FRMPD4: variants seen among roughly 807,000 people sequenced by gnomAD.
FRMPD4 encodes FERM and PDZ domain containing 4.
In FRMPD4, 22 loss-of-function variants were observed where a neutral mutation model predicts 94.1. The ratio of observed to expected loss-of-function variants is 0.23; its 90% CI spans 0.17 to 0.33. The LOEUF is 0.33. Ranked by LOEUF, FRMPD4 falls within the 10% of genes least tolerant of loss-of-function variation. The pLI is 1.00. For missense variants in FRMPD4, 1,111 were observed against 1,339.9 expected, an observed-to-expected ratio of 0.83 and a Z score of 2.67; for synonymous variants, 631 against 548.6, an observed-to-expected ratio of 1.15 and a Z score of -2.10.
At chrX:12,193,743 C>T (rs765753290) in intron 1 of FRMPD4, among the ~76,000 whole-genome samples, 7 of 59,006 alleles carry the variant, frequency 1.2e-4, no homozygotes, top group Non-Finnish European at 1.9e-4. Context: ...GTGAATTATC[C>T]GAAAGAAACA....
intron 2 of FRMPD4, among the ~76,000 whole-genome samples, chrX:12,586,420 G>C (rs2058928844): frequency 8.9e-6 from 1 of 112,746 alleles, no homozygotes; most frequent in Non-Finnish European, 1.9e-5. Flanking sequence ...TTTAATATCT[G>C]ATGTTTGCAT....
intron 1 of FRMPD4, among the ~76,000 whole-genome samples, chrX:12,420,582 G>C (rs2056870552): frequency 2.7e-5 from 3 of 111,820 alleles, no homozygotes; most frequent in Non-Finnish European, 3.8e-5. Flanking sequence ...CACACATGCT[G>C]ATCCTTCATC....
intron 2 of FRMPD4, among the ~76,000 whole-genome samples, chrX:12,538,705 G>A (rs777124949): frequency 2.7e-5 from 3 of 112,053 alleles, no homozygotes; most frequent in South Asian, 7.5e-4. Flanking sequence ...GGTCTGGAGT[G>A]GGCCTCCAGC....
chrX:12,169,109 G>T (rs1025963349), intron 1 of FRMPD4, among the ~76,000 whole-genome samples: 12 of 112,065 alleles, frequency 1.1e-4, no homozygotes, highest in Non-Finnish European at 1.9e-5. Context: ...TAATAAATAG[G>T]CTAGACATAT....
chrX:12,701,890 T>C lies in FRMPD4; in HGVS notation c.950T>C (p.Val317Ala). ...TCTTCGCAGAGTTGTAACGATGTGG[T>C]TCAGGAGCGATTTGGGCCGGAGCTG... Reference protein sequence around the residue: ...YLYVQSCNDVVQERFGPELKY... With the variant: ...YLYVQSCNDVAQERFGPELKY... Residue 317 changes from valine (V) to alanine (A), a missense_variant, in exon 10 of 17, where the codon GTT (valine) becomes GCT (alanine). By Grantham distance (64) the Val-to-Ala change is moderately conservative. This residue lies in a region of FRMPD4 where 37 missense variants were observed against 101.0 expected (regional missense o/e 0.37). Coordinates refer to ENST00000675598, the MANE Select transcript of FRMPD4 (RefSeq NM_001368397.1). 1 of 1,211,756 alleles carries C rather than the reference T, an allele frequency of 8.3e-7. No individual in the cohort carries two copies. Among genetic ancestry groups the C allele is most frequent in the Non-Finnish European group, 1.1e-6 (1 of 895,094 alleles).
chrX:12,398,956 C>T (rs372929305), intron 1 of FRMPD4, among the ~76,000 whole-genome samples: 1 of 110,807 alleles, frequency 9.0e-6, no homozygotes. Flanking sequence ...TTGTATCAGT[C>T]CCTTTTTTTT....
rs143879534 is a variant in FRMPD4, at chrX:11,964,016, C to T, written c.95+85998C>T. Among the ~76,000 whole-genome samples the T allele has an allele frequency of 3.8e-3, 423 of 111,652 alleles. 2 individuals are homozygous for T. Among genetic ancestry groups the T allele is most frequent in the Non-Finnish European group, 4.8e-3 (257 of 53,105 alleles). On this transcript the variant is annotated intron_variant, in intron 3 of 18. Transcript: ENST00000640291. Reference sequence around the variant, plus strand: ...TGGTTAGATGTGCCACAAAAGGTTTCCTAGCACATGTTTCTCAAACTCAGC... The same window carrying T: ...TGGTTAGATGTGCCACAAAAGGTTTTCTAGCACATGTTTCTCAAACTCAGC...
chrX:12,586,864 CG>C (rs998107809), intron 2 of FRMPD4, among the ~76,000 whole-genome samples: 7 of 111,851 alleles, frequency 6.3e-5, no homozygotes, highest in African/African-American at 1.9e-4. Context: ...AGGGAGCTTT[CG>C]TTTCCTTTAA....
intron 2 of FRMPD4, among the ~76,000 whole-genome samples, chrX:11,873,362 G>C (rs2053765409): frequency 9.0e-6 from 1 of 111,243 alleles, no homozygotes; most frequent in Non-Finnish European, 1.9e-5. Context: ...CAATAAGTGA[G>C]TTTAGCAAAA....
chrX:12,367,130 T>G (rs2056094938), intron 1 of FRMPD4, among the ~76,000 whole-genome samples: 1 of 111,875 alleles, frequency 8.9e-6, no homozygotes, highest in Non-Finnish European at 1.9e-5. Context: ...ATATACAACC[T>G]TGCTTTTCCA....
chrX:12,617,661 A>G (rs1452163913), intron 4 of FRMPD4, among the ~76,000 whole-genome samples: 1 of 112,162 alleles, frequency 8.9e-6, no homozygotes, highest in Non-Finnish European at 1.9e-5. Flanking sequence ...ATAATAAAAA[A>G]CATCCCGTTT....
At chrX:12,361,188 T>A (rs1327326961) in intron 1 of FRMPD4, among the ~76,000 whole-genome samples, 1 of 112,402 alleles carries the variant, frequency 8.9e-6, no homozygotes, top group African/African-American at 3.2e-5. Context: ...TCTTGAACTA[T>A]GTCAGACTGT....
chrX:12,179,313 G>A (rs2056330874), intron 1 of FRMPD4, among the ~76,000 whole-genome samples: 1 of 110,959 alleles, frequency 9.0e-6, no homozygotes, highest in Non-Finnish European at 1.9e-5. Flanking sequence ...ACCAGCCCAG[G>A]TCTCGGGGTG....
intron 1 of FRMPD4, among the ~76,000 whole-genome samples, chrX:12,169,513 C>T (rs1422701900): frequency 3.6e-5 from 4 of 111,450 alleles, no homozygotes; most frequent in Non-Finnish European, 7.5e-5. Context: ...TGGCCCACTG[C>T]CTGTTTTTAT....
chrX:11,846,344 A>G (rs1487050373), intron 1 of FRMPD4, among the ~76,000 whole-genome samples: 1 of 109,358 alleles, frequency 9.1e-6, no homozygotes, highest in African/African-American at 3.4e-5. Flanking sequence ...GACCTCTTCA[A>G]GGAGAACTAC....
At chrX:12,343,987 A>T (rs2055660791) in intron 1 of FRMPD4, among the ~76,000 whole-genome samples, 1 of 112,265 alleles carries the variant, frequency 8.9e-6, no homozygotes, top group South Asian at 3.7e-4. Flanking sequence ...GCATTCCCTT[A>T]ATTTAATTTG....
chrX:12,085,012 C>T (rs2055095929), intron 3 of FRMPD4, among the ~76,000 whole-genome samples: 1 of 111,981 alleles, frequency 8.9e-6, no homozygotes, highest in African/African-American at 3.2e-5. Flanking sequence ...TGCCTATAGT[C>T]TCAACCCAGT....
chrX:12,028,295 G>A (rs143343161), intron 3 of FRMPD4, among the ~76,000 whole-genome samples: 2,347 of 111,842 alleles, frequency 0.021, 25 homozygotes, highest in Non-Finnish European at 0.035. Context: ...TTAATGTGTG[G>A]GGATTGTTTG....
At chrX:12,715,162 G>C (rs1258655503) in intron 14 of FRMPD4, among the ~76,000 whole-genome samples, 1 of 111,967 alleles carries the variant, frequency 8.9e-6, no homozygotes, top group South Asian at 3.7e-4. Context: ...GAATGACCCA[G>C]TTCTCTGTCT....
Sources: gnomAD v4.1 joint callset for allele counts (sites outside exome capture counted in the v4.1 genomes callset) on GRCh38, gnomAD v4.1.1 for gene constraint, gnomAD v4.1.1 regional missense constraint, MANE v1.5 for transcripts, NCBI Gene and HGNC (gene_info 2026-07-23, HGNC 2026-07-21) for gene names.